EED: variants seen among roughly 807,000 people sequenced by gnomAD.
The protein encoded by EED is embryonic ectoderm development, also known as polycomb protein EED.
EED carries 9 observed loss-of-function variants against 61.0 expected under a neutral mutation model. That is an observed-to-expected ratio of 0.15 (90% CI 0.09 to 0.26). EED has a LOEUF of 0.26. Among genes scored for constraint, EED ranks in the 10% least tolerant of loss-of-function variants. The probability of loss-of-function intolerance (pLI) is 1.00; values close to 1 mark genes in which losing one functional copy is unlikely to be tolerated. For missense variants in EED, 315 were observed against 542.3 expected (o/e 0.58, Z 4.16); for synonymous variants, 187 against 174.4 (o/e 1.07, Z -0.57).
At chr11:86,256,546 CT>C in intron 5 of EED, 34 bp downstream of exon 5, 1 of 1,523,516 alleles carries the variant, frequency 6.6e-7, no homozygotes, top group Non-Finnish European at 8.9e-7. Context: ...AGATCTGCTT[CT>C]TTTGAATCCA....
the EED span, among the ~76,000 whole-genome samples, chr11:86,286,585 C>T: frequency 6.6e-6 from 1 of 152,162 alleles, no homozygotes; most frequent in Admixed American, 6.5e-5. Context: ...GCAAAGGGGA[C>T]AGTCATTCTG....
At chr11:86,248,863 TAGCTGGGTGTGGTGGCC>T (rs1945456650) in intron 1 of EED, among the ~76,000 whole-genome samples, 1 of 152,050 alleles carries the variant, frequency 6.6e-6, no homozygotes, top group African/African-American at 2.4e-5. Flanking sequence ...TACCAAAAAT[TAGCTGGGTGTGGTGGCC>T]AGCTCCTGTT....
intron 9 of EED, among the ~76,000 whole-genome samples, chr11:86,271,346 A>G (rs779276344): frequency 4.6e-5 from 7 of 152,192 alleles, no homozygotes; most frequent in Non-Finnish European, 8.8e-5. Flanking sequence ...ATATATAGAA[A>G]TATAATTGAT....
chr11:86,245,469 G>C, intron 1 of EED, 126 bp downstream of exon 1: 1 of 786,290 alleles, frequency 1.3e-6, no homozygotes, highest in Non-Finnish European at 2.1e-6. Context: ...GAAAACGCGG[G>C]CGTGCGGGAG....
intron 3 of EED, among the ~76,000 whole-genome samples, chr11:86,254,323 G>GT (rs572030833): frequency 0.02 from 2,759 of 139,730 alleles, 79 homozygotes; most frequent in African/African-American, 0.059. Flanking sequence ...ATTTTTTATG[G>GT]TTTTTTTTTT....
chr11:86,278,507 C>A lies in EED; in HGVS notation c.1308C>A (p.Arg436=). 1 of 1,613,158 alleles carries A rather than the reference C, an allele frequency of 6.2e-7. No homozygotes were observed. Among genetic ancestry groups the A allele is most frequent in the Non-Finnish European group, 8.5e-7 (1 of 1,179,562 alleles). Residue 436 remains arginine (R), a synonymous_variant, in exon 12 of 12, where the codon CGC becomes CGA. Coordinates refer to ENST00000263360, the MANE Select transcript of EED (RefSeq NM_003797.5). ...TTTGTGATGATGCCAGTATTTGGCG[C>A]TGGGATCGACTTCGATAAAATACTT... ...IAVCDDASIW[R]WDRLR
Position 86,245,235 on chromosome 11 carries a change from C to T in EED, c.6C>T (p.Ser2=), listed in dbSNP as rs762307595. The part of the protein sequence containing the change: M[S]EREVSTAPAG... ...CTGGAGGGAGGCGGAGGAATATGTCCGAGAGGGAAGTGTCGACTGCGCCGG... is the reference window on the plus strand; with the variant it reads ...CTGGAGGGAGGCGGAGGAATATGTCTGAGAGGGAAGTGTCGACTGCGCCGG... Residue 2 remains serine (S), a synonymous_variant, in exon 1 of 12, where the codon TCC becomes TCT. Coordinates refer to ENST00000263360, the MANE Select transcript of EED (RefSeq NM_003797.5). The T allele has an allele frequency of 1.9e-5, 30 of 1,612,882 alleles. No homozygotes were observed. The South Asian group carries it at 3.2e-4, about 17-fold the overall frequency.
chr11:86,245,404 CG>C, intron 1 of EED, 61 bp downstream of exon 1: 3 of 1,336,278 alleles, frequency 2.2e-6, no homozygotes, highest in Admixed American at 2.1e-5. Flanking sequence ...TCTTTTAAAA[CG>C]GGGGGCGCGG....
At chr11:86,248,121 A>C (rs1329130761) in intron 1 of EED, among the ~76,000 whole-genome samples, 3 of 152,266 alleles carry the variant, frequency 2.0e-5, no homozygotes, top group Non-Finnish European at 4.4e-5. Flanking sequence ...TGGGCAAGTG[A>C]AGATGGTAGT....
the EED span, chr11:86,283,882 G>A: frequency 6.6e-6 from 1 of 150,882 alleles, no homozygotes; most frequent in South Asian, 2.1e-4. Context: ...ATGAAGTGAA[G>A]GAAATATTTG....
chr11:86,256,335 G>A, intron 4 of EED, 52 bp from the exon 5 acceptor site: 2 of 1,446,160 alleles, frequency 1.4e-6, no homozygotes, highest in African/African-American at 1.4e-5. Context: ...TATAATTATT[G>A]ACATGTTTCT....
Position 86,277,027 on chromosome 11 carries a change from T to G in EED, c.1014T>G (p.Asp338Glu). ...GCTGGAAACCTGGCAAGATGGAAGA[T>G]GATATAGATAAAATTAAACCCAGTG... ...IVCWKPGKME[D>E]DIDKIKPSES... The change falls in exon 10 of 12, where the codon GAT (aspartate) becomes GAG (glutamate). Residue 338 changes from aspartate to glutamate, a missense_variant. Around this residue, in one of 2 missense-constraint regions of EED, gnomAD observed 205 missense variants for 455.4 expected, o/e 0.45. Coordinates refer to ENST00000263360, the MANE Select transcript of EED (RefSeq NM_003797.5). 6.4e-7 allele frequency: 1 copy of G among 1,555,786 alleles called. No homozygotes were observed. The highest frequency in any genetic ancestry group is 8.8e-7 in the Non-Finnish European group (1 of 1,141,590).
At chr11:86,257,033 G>GCATCTGA (rs2138161102) in intron 5 of EED, among the ~76,000 whole-genome samples, 1 of 151,918 alleles carries the variant, frequency 6.6e-6, no homozygotes, top group South Asian at 2.1e-4. Flanking sequence ...GGAGTTTTGA[G>GCATCTGA]CATCTTTTTT....
downstream of EED, among the ~76,000 whole-genome samples, chr11:86,283,341 G>A (rs1322696012): frequency 2.0e-5 from 3 of 152,052 alleles, no homozygotes; most frequent in African/African-American, 7.2e-5. Flanking sequence ...ATATAAAACA[G>A]CCACCTTATT....
intron 3 of EED, among the ~76,000 whole-genome samples, chr11:86,252,513 C>T (rs61904286): frequency 0.018 from 847 of 47,040 alleles, 5 homozygotes; most frequent in Middle Eastern, 0.069. Context: ...GAATTGGCGT[C>T]CTTTTTTTTT....
intron 11 of EED, 183 bp downstream of exon 11, chr11:86,278,174 G>C: frequency 2.3e-6 from 3 of 1,324,514 alleles, no homozygotes; most frequent in Non-Finnish European, 2.9e-6. Flanking sequence ...GTACCTTGGT[G>C]ACAAGTCATT....
Position 86,268,450 on chromosome 11 carries a change from CT to C in EED, c.861-4del. On this transcript the variant is annotated splice_region_variant and splice_polypyrimidine_tract_variant and intron_variant, in intron 8 of 11. Coordinates refer to ENST00000263360, the MANE Select transcript of EED (RefSeq NM_003797.5). ...TTAACTTTTTACATTTCCATTCTTC[CT>C]TCAGGCCATTTATTTCTCAGAAAAT... 1.3e-6 allele frequency: 2 copies of C among 1,539,220 alleles called. No homozygotes were observed. The highest frequency in any genetic ancestry group is 1.8e-6 in the Non-Finnish European group (2 of 1,126,520).
At chr11:86,264,306 G>A in intron 7 of EED, 43 bp downstream of exon 7, 3 of 1,387,080 alleles carry the variant, frequency 2.2e-6, no homozygotes, top group Middle Eastern at 1.8e-4. Flanking sequence ...GGTTTACATA[G>A]CTGTGAACAG....
chr11:86,265,807 A>T (rs1044083215), intron 7 of EED: 1 of 200,936 alleles, frequency 5.0e-6, no homozygotes, highest in East Asian at 1.1e-4. Flanking sequence ...CAAAATAAAT[A>T]TTTTAGTGTA....
Sources: gnomAD v4.1 joint callset for allele counts (sites outside exome capture counted in the v4.1 genomes callset) on GRCh38, gnomAD v4.1.1 for gene constraint, gnomAD v4.1.1 regional missense constraint, MANE v1.5 for transcripts, NCBI Gene and HGNC (gene_info 2026-07-23, HGNC 2026-07-21) for gene names.